Variants in DDX59 observed in about 807,000 individuals in gnomAD.
DDX59 encodes the protein probable ATP-dependent RNA helicase DDX59.
Under a neutral mutation model 51.9 loss-of-function variants are expected in DDX59, and 30 were observed. The observed-to-expected ratio is 0.58, with a 90% CI of 0.43 to 0.78. The LOEUF (loss-of-function observed/expected upper bound fraction) is 0.78. Ranked by LOEUF, DDX59 falls within the 30% of genes least tolerant of loss-of-function variation. The probability of loss-of-function intolerance (pLI) is 0.00; values close to 1 mark genes in which losing one functional copy is unlikely to be tolerated. For synonymous variants in DDX59, 255 were observed against 253.3 expected (o/e 1.01, Z -0.06); for missense variants, 672 against 730.8 (o/e 0.92, Z 0.93).
chr1:200,664,161 G>A, intron 2 of DDX59, 75 bp from the exon 3 acceptor site: 4 of 1,499,940 alleles, frequency 2.7e-6, no homozygotes, highest in Non-Finnish European at 3.6e-6. Context: ...TCTTCACAAG[G>A]ATTCCAGGAA....
rs1470943740 is a variant in DDX59 at position 200,664,014 on chromosome 1, C to A, written c.877G>T (p.Glu293Ter). The A allele has an allele frequency of 6.2e-7, 1 of 1,614,220 alleles. No individual in the cohort carries two copies. Among genetic ancestry groups the A allele is most frequent in the South Asian group, 1.1e-5 (1 of 91,078 alleles). ...LAIQIERQAK[E>*]LMSGLPRMKT... ...ATGCGTGGCAGGCCACTCATCAATT[C>A]TTTAGCTTGTCTCTCTATCTGAATG... The change falls in exon 3 of 8, where the codon GAA becomes TAA. Residue 293 changes from glutamate (E) to a stop codon, truncating the protein, a stop_gained. Coordinates refer to ENST00000331314, the MANE Select transcript of DDX59 (RefSeq NM_001031725.6). LOFTEE classifies it high-confidence loss of function.
intron 3 of DDX59, among the ~76,000 whole-genome samples, chr1:200,663,204 A>G (rs1219769339): frequency 6.6e-6 from 1 of 151,746 alleles, no homozygotes. Context: ...CCGCCCTACC[A>G]CCCTAGTTAA....
At chr1:200,642,254 A>T (rs1237101099), downstream of DDX59, among the ~76,000 whole-genome samples, 1 of 152,132 alleles carries the variant, frequency 6.6e-6, no homozygotes. Flanking sequence ...TTTTTAGCTA[A>T]TTAAAAATTT....
At chr1:200,668,307 C>CAA (rs68140421) in intron 1 of DDX59, among the ~76,000 whole-genome samples, 1 of 130,854 alleles carries the variant, frequency 7.6e-6, no homozygotes, top group Non-Finnish European at 1.7e-5. Context: ...GACTCCGTCT[C>CAA]AAAAAAAAAA....
Position 200,664,067 on chromosome 1 carries a change from A to G in DDX59, c.824T>C (p.Leu275Pro). 6.2e-7 allele frequency: 1 copy of G among 1,612,260 alleles called. No homozygotes were observed. The highest frequency in any genetic ancestry group is 1.1e-5 in the South Asian group (1 of 90,562). ...ALFESKTPSALILTPTRELAI... is the reference protein window; with the variant it reads ...ALFESKTPSAPILTPTRELAI... Reference sequence around the variant, plus strand: ...TAACTCTCTGGTTGGTGTAAGAATGAGCGCAGATGGAGTTTTGCTCTGCAA... The same window carrying G: ...TAACTCTCTGGTTGGTGTAAGAATGGGCGCAGATGGAGTTTTGCTCTGCAA... The change falls in exon 3 of 8, where the codon CTC becomes CCC. Residue 275 changes from leucine to proline, a missense_variant. Coordinates refer to ENST00000331314, the MANE Select transcript of DDX59 (RefSeq NM_001031725.6).
chr1:200,655,042 A>T (rs1445170471), intron 4 of DDX59: 1 of 152,138 alleles, frequency 6.6e-6, no homozygotes, highest in Non-Finnish European at 1.5e-5. Context: ...TTTATTTTTT[A>T]AAATTTTATC....
At chr1:200,668,009 G>A (rs989049221) in intron 1 of DDX59, among the ~76,000 whole-genome samples, 4 of 152,114 alleles carry the variant, frequency 2.6e-5, no homozygotes, top group Non-Finnish European at 5.9e-5. Context: ...TAGAAATTAA[G>A]TGGTTTGGGC....
chr1:200,654,180 G>A (rs542247602), intron 4 of DDX59, among the ~76,000 whole-genome samples: 2 of 152,216 alleles, frequency 1.3e-5, no homozygotes, highest in South Asian at 2.1e-4. Context: ...TTGGGAGGCC[G>A]AGGCGGGCGG....
intron 3 of DDX59, among the ~76,000 whole-genome samples, chr1:200,661,762 C>A (rs1217735364): frequency 2.0e-5 from 3 of 152,148 alleles, no homozygotes; most frequent in Admixed American, 6.5e-5. Flanking sequence ...GTAGATGATA[C>A]CAATATTAAT....
At chr1:200,664,279 A>G (rs1662571369) in intron 2 of DDX59, among the ~76,000 whole-genome samples, 193 bp from the exon 3 acceptor site, 1 of 152,224 alleles carries the variant, frequency 6.6e-6, no homozygotes, top group Non-Finnish European at 1.5e-5. Flanking sequence ...TTTCTTACAT[A>G]ACACAGAATA....
chr1:200,646,993 C>T (rs1464897296), intron 7 of DDX59, among the ~76,000 whole-genome samples: 2 of 152,124 alleles, frequency 1.3e-5, no homozygotes, highest in African/African-American at 2.4e-5. Flanking sequence ...AATCAACCCC[C>T]GTGGAATACT....
intron 3 of DDX59, among the ~76,000 whole-genome samples, chr1:200,659,778 C>T (rs1180165220): frequency 6.6e-6 from 1 of 152,134 alleles, no homozygotes; most frequent in Non-Finnish European, 1.5e-5. Context: ...GCCTCAACTT[C>T]CCCAGCTCCA....
rs1383666011 is a variant in DDX59, at chr1:200,650,563, T to C, written c.1176A>G (p.Glu392=). The change falls in exon 5 of 8, where the codon GAA becomes GAG. Residue 392 remains glutamate (E), a synonymous_variant. Transcript: ENST00000331314. ...TATGCAGAAGCTGGCTTGCTAGCTGTTCTATGCTAGTTGGAATTGTGGCTG... is the reference window on the plus strand; with the variant it reads ...TATGCAGAAGCTGGCTTGCTAGCTGCTCTATGCTAGTTGGAATTGTGGCTG... The part of the protein sequence containing the change: ...LVSATIPTSI[E]QLASQLLHNP... 1 of 1,614,138 alleles carries C rather than the reference T, an allele frequency of 6.2e-7. No homozygotes were observed. The highest frequency in any genetic ancestry group is 2.2e-5 in the East Asian group (1 of 44,866).
At chr1:200,657,747 T>TC (rs1662122479) in intron 4 of DDX59, among the ~76,000 whole-genome samples, 1 of 110,562 alleles carries the variant, frequency 9.0e-6, no homozygotes, top group South Asian at 2.8e-4. Context: ...AGACTCTGTC[T>TC]CAAAAAAAAA....
In DDX59 at chr1:200,648,505, G is replaced by T; in HGVS notation, c.1530C>A (p.Asp510Glu). The change falls in exon 7 of 8, where the codon GAC becomes GAA. Residue 510 changes from aspartate (D) to glutamate (E), a missense_variant. Transcript: ENST00000331314. ...TGACAACCAGCCTGACACTGATCAA[G>T]TCTAGGCCTCGTCCCAAGACTCCTG... ...VSTGVLGRGL[D>E]LISVRLVVNF... 1 of 1,614,150 alleles carries T rather than the reference G, an allele frequency of 6.2e-7. No homozygotes were observed. The highest frequency in any genetic ancestry group is 8.5e-7 in the Non-Finnish European group (1 of 1,180,018).
At chr1:200,648,589 T>C (rs1399714817) in intron 6 of DDX59, 22 bp from the exon 7 acceptor site, 1 of 1,598,968 alleles carries the variant, frequency 6.3e-7, no homozygotes, top group Non-Finnish European at 8.5e-7. Flanking sequence ...AGCAACAAAA[T>C]TTATTATTCA....
chr1:200,659,099 A>G lies in DDX59; in HGVS notation c.990T>C (p.Pro330=), dbSNP rs200306589. 3 of 1,613,498 alleles carry G rather than the reference A, an allele frequency of 1.9e-6. No homozygotes were observed. In the East Asian group the frequency reaches 6.7e-5, roughly 36 times the overall value. ...GCTTTATTATATCCAGAAGTCGCCC[A>G]GGGGTTGCTATGATAACCTAAATAA... ...QQHVKVIIAT[P]GRLLDIIKQS... Residue 330 remains proline, a synonymous_variant, in exon 4 of 8, where the codon CCT becomes CCC. Transcript: ENST00000331314.
intron 4 of DDX59, 56 bp from the exon 5 acceptor site, chr1:200,650,732 C>A (rs1661607033): frequency 7.0e-7 from 1 of 1,433,846 alleles, no homozygotes. Flanking sequence ...CCAGAACCAC[C>A]CCCAAAAAAG....
chr1:200,669,862 C>T lies in DDX59; in HGVS notation c.-107G>A, dbSNP rs12731153. On this transcript the variant is annotated 5_prime_UTR_variant, in exon 1 of 8. Transcript: ENST00000331314. ...AGGCTTCCGCCCGACAAGCCCTGAC[C>T]CGCTCGTCAGGACTGCGGCCCGGGG... 4,582 of 152,192 alleles carry T rather than the reference C, an allele frequency of 0.03. 107 individuals are homozygous for T. Among genetic ancestry groups the T allele is most frequent in the Non-Finnish European group, 0.048 (3,243 of 68,196 alleles). 9.4% of individuals were successfully genotyped at this position (152,192 alleles called of 1,614,324 possible).
Sources: gnomAD v4.1 joint callset for allele counts (sites outside exome capture counted in the v4.1 genomes callset) on GRCh38, gnomAD v4.1.1 for gene constraint, MANE v1.5 for transcripts, NCBI Gene and HGNC (gene_info 2026-07-23, HGNC 2026-07-21) for gene names.